The following DMTF1 variants were observed in gnomAD, a reference collection of about 807,000 sequenced individuals.
DMTF1 encodes the protein cyclin-D-binding Myb-like transcription factor 1.
DMTF1 carries 39 observed loss-of-function variants against 91.1 expected under a neutral mutation model. The observed-to-expected ratio is 0.43, with a 90% confidence interval of 0.33 to 0.56. DMTF1 has a LOEUF of 0.56. DMTF1 is among the 20% of genes least tolerant of loss of function. The probability of loss-of-function intolerance (pLI) is 0.05; values close to 1 mark genes in which losing one functional copy is unlikely to be tolerated. For missense variants in DMTF1, 750 were observed against 914.5 expected (o/e 0.82, Z 2.32); for synonymous variants, 338 against 309.5 (o/e 1.09, Z -0.97).
rs192028539 is a variant in DMTF1, at chr7:87,179,033, A to G, written c.520-512A>G. On this transcript the variant is annotated intron_variant, in intron 7 of 17. Transcript: ENST00000331242. ...CAACATTTAAATTTATTACCATAAA[A>G]TTGTTCATTTCTGTTAATGGTCTAA... 2.9e-3 allele frequency among the ~76,000 whole-genome samples: 439 copies of G among 152,082 alleles called. 4 individuals are homozygous for G. Among genetic ancestry groups the G allele is most frequent in the Non-Finnish European group, 4.8e-3 (325 of 67,896 alleles).
At position 87,168,356 on chromosome 7, in the gene DMTF1, TC is replaced by T. The variant is rs146830127; in HGVS notation, c.232+1754del. On this transcript the variant is annotated intron_variant, in intron 4 of 17. Coordinates refer to ENST00000331242, the MANE Select transcript of DMTF1 (RefSeq NM_001142327.2). ...ATTCCTTTTGTTCTCCATTTATTAC[TC>T]CCTTTACCACTCTTACCTATTACTA... Among the ~76,000 whole-genome samples, 14 of 152,302 alleles carry T rather than the reference TC, an allele frequency of 9.2e-5. No homozygotes were observed. In the East Asian group the frequency reaches 1.7e-3, roughly 19 times the overall value.
At chr7:87,160,906 C>T (rs1425731521) in intron 1 of DMTF1, among the ~76,000 whole-genome samples, 1 of 152,130 alleles carries the variant, frequency 6.6e-6, no homozygotes, top group African/African-American at 2.4e-5. Flanking sequence ...TCTTCTCTAA[C>T]CTCTTTAAGA....
In DMTF1 at chr7:87,193,178, A is replaced by G. The variant is rs374634777; in HGVS notation, c.1495-20A>G. ...AAGTAGACTTAATCATTGTTAAACT[A>G]TCTTTCCTTTTTCCTTTAGTCTTTC... On this transcript the variant is annotated intron_variant, in intron 14 of 17. Coordinates refer to ENST00000331242, the MANE Select transcript of DMTF1 (RefSeq NM_001142327.2). 8.1e-6 allele frequency: 13 copies of G among 1,611,926 alleles called. No homozygotes were observed. Among genetic ancestry groups the G allele is most frequent in the Middle Eastern group, 1.7e-4 (1 of 6,046 alleles).
At chr7:87,152,612 G>T (rs1584112432) in intron 1 of DMTF1, 57 bp downstream of exon 1, 1 of 152,802 alleles carries the variant, frequency 6.5e-6, no homozygotes, top group Non-Finnish European at 1.5e-5. Context: ...CCGCCCAGTG[G>T]AGCCTGTCCG....
chr7:87,168,606 A>G (rs1212072653), intron 4 of DMTF1, among the ~76,000 whole-genome samples: 1 of 152,152 alleles, frequency 6.6e-6, no homozygotes, highest in East Asian at 1.9e-4. Context: ...GCATTCACCA[A>G]GTCCTTTTTT....
rs761337836 is a variant in DMTF1, at chr7:87,178,246, T to G, written c.520-1299T>G. On this transcript the variant is annotated intron_variant, in intron 7 of 17. Coordinates refer to ENST00000331242, the MANE Select transcript of DMTF1 (RefSeq NM_001142327.2). ...TGTGTGGGAGCTTTTTAAAATGTTA[T>G]GTAAACTGTGTAGAAACGCAAATAA... Among the ~76,000 whole-genome samples the G allele has an allele frequency of 2.6e-5, 4 of 152,222 alleles. 1 individual carries two copies. The South Asian group carries it at 8.3e-4, about 32-fold the overall frequency.
At chr7:87,182,912 T>C (rs563361064) in intron 10 of DMTF1, among the ~76,000 whole-genome samples, 4 of 152,334 alleles carry the variant, frequency 2.6e-5, no homozygotes, top group African/African-American at 9.6e-5. Flanking sequence ...ATCATACTGT[T>C]AAACCTAATC....
At chr7:87,163,315 TG>T (rs1295463268) in intron 1 of DMTF1, 179 bp from the exon 2 acceptor site, 1 of 152,058 alleles carries the variant, frequency 6.6e-6, no homozygotes, top group Non-Finnish European at 1.5e-5. Flanking sequence ...TGTCCTTCAT[TG>T]GGGAATACTT....
At chr7:87,153,218 C>T (rs1789729957) in intron 1 of DMTF1, among the ~76,000 whole-genome samples, 1 of 151,234 alleles carries the variant, frequency 6.6e-6, no homozygotes, top group South Asian at 2.1e-4. Context: ...GCCGAACCGT[C>T]TCTCTCAGTC....
intron 4 of DMTF1, among the ~76,000 whole-genome samples, chr7:87,169,305 A>C (rs1392478721): frequency 6.6e-6 from 1 of 151,766 alleles, no homozygotes; most frequent in African/African-American, 2.4e-5. Flanking sequence ...CAACGAATAC[A>C]AAAATTAGCT....
chr7:87,193,816 C>T lies in DMTF1; in HGVS notation c.1742C>T (p.Thr581Ile), dbSNP rs1473408229. The T allele has an allele frequency of 1.2e-6, 2 of 1,613,304 alleles. No homozygotes were observed. Among genetic ancestry groups the T allele is most frequent in the South Asian group, 1.1e-5 (1 of 91,066 alleles). ...CAGACTGTTGCCACAGAGGACATCA[C>T]TTCTTCCATATCCCAAGCAGAACTG... ...IIQTVATEDI[T>I]SSISQAELTV... The change falls in exon 16 of 18, where the codon ACT becomes ATT. Residue 581 changes from threonine (T) to isoleucine (I), a missense_variant. Around this residue, in one of 3 missense-constraint regions of DMTF1, gnomAD observed 410 missense variants for 420.2 expected, o/e 0.98. Coordinates refer to ENST00000331242, the MANE Select transcript of DMTF1 (RefSeq NM_001142327.2).
At position 87,195,294 on chromosome 7, in the gene DMTF1, T is replaced by TA. The variant is rs1185164816; in HGVS notation, c.*155dup. On this transcript the variant is annotated 3_prime_UTR_variant, in exon 18 of 18. Coordinates refer to ENST00000331242, the MANE Select transcript of DMTF1 (RefSeq NM_001142327.2). Reference sequence around the variant, plus strand: ...ACACATTGTTGCTGCTATGACTTTTTACCTCCTTTAAACACATCATCTGAG... The same window carrying TA: ...ACACATTGTTGCTGCTATGACTTTTTAACCTCCTTTAAACACATCATCTGAG... 3.4e-5 allele frequency: 20 copies of TA among 594,250 alleles called. No homozygotes were observed. In the East Asian group the frequency reaches 5.4e-4, roughly 16 times the overall value. 36.8% of individuals were successfully genotyped at this position (594,250 alleles called of 1,614,324 possible). A position where few individuals can be genotyped will look rare whatever the true frequency, so the allele number is the denominator to read the frequency against.
intron 4 of DMTF1, among the ~76,000 whole-genome samples, chr7:87,168,916 A>G (rs1412991839): frequency 1.3e-5 from 2 of 152,228 alleles, no homozygotes; most frequent in Non-Finnish European, 2.9e-5. Context: ...TTCACAAAGA[A>G]AATGGAAGTA....
intron 3 of DMTF1, 119 bp downstream of exon 3, chr7:87,165,169 A>T: frequency 3.9e-6 from 2 of 513,448 alleles, no homozygotes; most frequent in Non-Finnish European, 6.9e-6. Flanking sequence ...TGCACAGTAG[A>T]AAAGGAGATT....
At chr7:87,153,365 T>C (rs549026850) in intron 1 of DMTF1, among the ~76,000 whole-genome samples, 35 of 152,334 alleles carry the variant, frequency 2.3e-4, no homozygotes, top group African/African-American at 7.5e-4. Context: ...AAGTCCACTT[T>C]GTTCTCTAAA....
chr7:87,168,702 A>G (rs765324857), intron 4 of DMTF1, among the ~76,000 whole-genome samples: 6 of 152,174 alleles, frequency 3.9e-5, no homozygotes, highest in Non-Finnish European at 7.3e-5. Context: ...ATTGAAAAGT[A>G]TTAGAGAAAA....
intron 5 of DMTF1, among the ~76,000 whole-genome samples, chr7:87,171,895 G>T (rs1795155080): frequency 6.6e-6 from 1 of 152,106 alleles, no homozygotes; most frequent in Non-Finnish European, 1.5e-5. Flanking sequence ...TATTGCTTAA[G>T]AATTATTTGC....
At chr7:87,161,466 C>T (rs1792372338) in intron 1 of DMTF1, among the ~76,000 whole-genome samples, 2 of 152,194 alleles carry the variant, frequency 1.3e-5, no homozygotes, top group African/African-American at 2.4e-5. Flanking sequence ...CGTGCCACTG[C>T]ACTACAGCCT....
chr7:87,169,562 T>A (rs1432662586), intron 4 of DMTF1, among the ~76,000 whole-genome samples: 1 of 151,826 alleles, frequency 6.6e-6, no homozygotes, highest in East Asian at 1.9e-4. Context: ...TTGCCTTCAT[T>A]TCCTTTCCTC....
Sources: allele counts gnomAD v4.1 joint callset (sites outside exome capture counted in the v4.1 genomes callset), GRCh38; gene constraint gnomAD v4.1.1; regional missense constraint gnomAD v4.1.1; transcripts MANE v1.5; gene names NCBI Gene and HGNC (gene_info 2026-07-23, HGNC 2026-07-21).